The following DIS3L2 variants were observed in gnomAD, a reference collection of about 807,000 sequenced individuals.
The protein encoded by DIS3L2 is DIS3-like exonuclease 2.
DIS3L2 carries 34 observed loss-of-function variants against 97.5 expected under a neutral mutation model. That is an observed-to-expected ratio of 0.35 (90% CI 0.27 to 0.46). The LOEUF is 0.46. Among genes scored for constraint, DIS3L2 ranks in the 20% least tolerant of loss-of-function variants. The pLI is 1.00. For synonymous variants in DIS3L2, 435 were observed against 445.2 expected, an observed-to-expected ratio of 0.98 and a Z score of 0.29; for missense variants, 1,038 against 1,146.0, an observed-to-expected ratio of 0.91 and a Z score of 1.36.
At chr2:232,336,079 A>G in intron 20 of DIS3L2, 3 of 1,538,230 alleles carry the variant, frequency 2.0e-6, no homozygotes, top group African/African-American at 2.7e-5. Context: ...CTTGGGGGCA[A>G]CCACAGTGGA....
intron 12 of DIS3L2, among the ~76,000 whole-genome samples, chr2:232,259,101 C>A (rs1020422357): frequency 1.3e-5 from 2 of 152,058 alleles, no homozygotes; most frequent in African/African-American, 4.8e-5. Flanking sequence ...CTCAGCCCTT[C>A]GTGTATTTAA....
At chr2:232,255,952 A>T (rs1241152160) in intron 12 of DIS3L2, among the ~76,000 whole-genome samples, 1 of 152,016 alleles carries the variant, frequency 6.6e-6, no homozygotes, top group African/African-American at 2.4e-5. Flanking sequence ...TTCCTTAACT[A>T]CCGGCACTAA....
At chr2:232,310,557 T>C (rs1307283464) in intron 14 of DIS3L2, among the ~76,000 whole-genome samples, 1 of 152,206 alleles carries the variant, frequency 6.6e-6, no homozygotes, top group Non-Finnish European at 1.5e-5. Context: ...GCAATCAGGA[T>C]ATTTTGTCTG....
At chr2:232,342,034 T>C (rs151022457), downstream of DIS3L2, among the ~76,000 whole-genome samples, 471 of 152,296 alleles carry the variant, frequency 3.1e-3, no homozygotes, top group African/African-American at 0.01. Flanking sequence ...GATAGATGAT[T>C]GTTTTTTAAG....
intron 13 of DIS3L2, among the ~76,000 whole-genome samples, chr2:232,291,687 C>T (rs1339221106): frequency 6.6e-6 from 1 of 152,234 alleles, no homozygotes; most frequent in Non-Finnish European, 1.5e-5. Context: ...CATTACACCC[C>T]TGTGAGGGGA....
At chr2:232,140,895 T>A (rs991038289) in intron 8 of DIS3L2, among the ~76,000 whole-genome samples, 1 of 152,204 alleles carries the variant, frequency 6.6e-6, no homozygotes, top group Non-Finnish European at 1.5e-5. Context: ...ATCGCCCACA[T>A]TTTTATGAAT....
rs1177551994 is a variant in DIS3L2, at chr2:232,337,111, A to G, written c.*481A>G. The G allele has an allele frequency of 9.8e-7, 1 of 1,021,108 alleles. No homozygotes were observed. Among genetic ancestry groups the G allele is most frequent in the Non-Finnish European group, 1.2e-6 (1 of 854,218 alleles). The allele number at this position is 1,021,108 out of a possible 1,614,324, so 63.3% of individuals were successfully genotyped here. A position where few individuals can be genotyped will look rare whatever the true frequency, so the allele number is the denominator to read the frequency against. On this transcript the variant is annotated 3_prime_UTR_variant, in exon 21 of 21. Coordinates refer to ENST00000325385, the MANE Select transcript of DIS3L2 (RefSeq NM_152383.5). ...ACCTGGAACTTTCCTGTCAGTTCCA[A>G]CACGATTCAGAGCTGGCTGCCTGGC...
At chr2:232,013,667 T>C (rs1694274667) in intron 1 of DIS3L2, among the ~76,000 whole-genome samples, 1 of 152,256 alleles carries the variant, frequency 6.6e-6, no homozygotes, top group Non-Finnish European at 1.5e-5. Context: ...TTCTGTCTAG[T>C]GTAGTGCCCT....
chr2:232,085,839 C>G (rs1479827471), intron 5 of DIS3L2, among the ~76,000 whole-genome samples: 1 of 151,768 alleles, frequency 6.6e-6, no homozygotes, highest in African/African-American at 2.4e-5. Context: ...TAGAATATCC[C>G]TTTGTCGCCC....
chr2:232,340,198 A>C (rs1696074573), downstream of DIS3L2, among the ~76,000 whole-genome samples: 1 of 152,212 alleles, frequency 6.6e-6, no homozygotes, highest in South Asian at 2.1e-4. Context: ...GCAGAGGAGC[A>C]AACAGCACTT....
rs980808129 is a variant in DIS3L2, at chr2:232,185,871, G to A, written c.1124+22239G>A. 5.5e-5 allele frequency among the ~76,000 whole-genome samples: 8 copies of A among 146,390 alleles called. No homozygotes were observed. In the South Asian group the frequency reaches 1.1e-3, roughly 19 times the overall value. ...TCTCAAAAAAAAAAAAAAAAAGCACGATATGCCCAAAGTAAGCAGGAAGGA... is the reference window on the plus strand; with the variant it reads ...TCTCAAAAAAAAAAAAAAAAAGCACAATATGCCCAAAGTAAGCAGGAAGGA... On this transcript the variant is annotated intron_variant, in intron 9 of 20. Transcript: ENST00000325385.
At chr2:232,123,813 T>A (rs1320231810) in intron 6 of DIS3L2, among the ~76,000 whole-genome samples, 2 of 152,254 alleles carry the variant, frequency 1.3e-5, no homozygotes, top group East Asian at 3.9e-4. Context: ...AGACTCTTTA[T>A]AAGAAGCTGG....
intron 5 of DIS3L2, among the ~76,000 whole-genome samples, chr2:232,077,961 C>CTTTCTTTCT (rs1696251314): frequency 2.2e-4 from 16 of 73,880 alleles, no homozygotes; most frequent in Admixed American, 1.9e-3. Flanking sequence ...CTTTCTCTTT[C>CTTTCTTTCT]TTTCTTTCTT....
intron 1 of DIS3L2, among the ~76,000 whole-genome samples, chr2:231,969,033 G>A (rs745402920): frequency 2.0e-5 from 3 of 152,154 alleles, no homozygotes; most frequent in East Asian, 1.9e-4. Context: ...TGCCGCCGCC[G>A]TGTAAGACAT....
chr2:232,296,250 A>G (rs1277804091), intron 13 of DIS3L2, among the ~76,000 whole-genome samples: 1 of 152,204 alleles, frequency 6.6e-6, no homozygotes, highest in Non-Finnish European at 1.5e-5. Flanking sequence ...TCTCCAGACC[A>G]TCACCAAGTC....
chr2:232,306,863 A>C (rs115650216), intron 14 of DIS3L2, among the ~76,000 whole-genome samples: 2,184 of 152,222 alleles, frequency 0.014, 53 homozygotes, highest in African/African-American at 0.051. Flanking sequence ...GGCACCCTAC[A>C]TGCTGTCTGT....
chr2:232,007,614 TTC>T (rs1694089571), intron 1 of DIS3L2, among the ~76,000 whole-genome samples: 1 of 152,136 alleles, frequency 6.6e-6, no homozygotes, highest in African/African-American at 2.4e-5. Flanking sequence ...GAAGAACACT[TTC>T]ACCATATTAG....
Position 232,268,441 on chromosome 2 carries a change from A to T in DIS3L2, c.1659+5001A>T, listed in dbSNP as rs1693904001. On this transcript the variant is annotated intron_variant, in intron 13 of 20. Transcript: ENST00000325385. The surrounding 1 kb of genome is among the most constrained non-coding windows in gnomAD (Gnocchi z 4.1). ...CAGCCTTTAAGGCAGGGATTGACGG[A>T]TATTTTCTGTAAAGGACCAGATAGT... Among the ~76,000 whole-genome samples, 1 of 152,182 alleles carries T rather than the reference A, an allele frequency of 6.6e-6. No homozygotes were observed. Among genetic ancestry groups the T allele is most frequent in the Non-Finnish European group, 1.5e-5 (1 of 68,030 alleles).
At chr2:231,970,277 C>T (rs1692862329) in intron 1 of DIS3L2, among the ~76,000 whole-genome samples, 1 of 152,068 alleles carries the variant, frequency 6.6e-6, no homozygotes, top group South Asian at 2.1e-4. Flanking sequence ...GGTGAAATAT[C>T]GCATCGATTT....
Sources: allele counts gnomAD v4.1 joint callset (sites outside exome capture counted in the v4.1 genomes callset), GRCh38; gene constraint gnomAD v4.1.1; non-coding constraint Gnocchi (gnomAD v3.1); transcripts MANE v1.5; gene names NCBI Gene and HGNC (gene_info 2026-07-23, HGNC 2026-07-21).